Variants in RXRG observed in about 807,000 individuals in gnomAD.
The protein encoded by RXRG is retinoic acid receptor RXR-gamma.
RXRG carries 19 observed loss-of-function variants against 49.2 expected under a neutral mutation model. That is an observed-to-expected ratio of 0.39 (90% confidence interval 0.27 to 0.57). RXRG has a LOEUF of 0.57. Ranked by LOEUF, RXRG falls within the 20% of genes least tolerant of loss-of-function variation. RXRG has a pLI of 0.64. For missense variants in RXRG, 452 were observed against 592.5 expected, an observed-to-expected ratio of 0.76 and a Z score of 2.46; for synonymous variants, 224 against 216.6, an observed-to-expected ratio of 1.03 and a Z score of -0.30.
At chr1:165,401,686 A>G (rs1452817561) in intron 9 of RXRG, among the ~76,000 whole-genome samples, 2 of 152,326 alleles carry the variant, frequency 1.3e-5, no homozygotes, top group Non-Finnish European at 2.9e-5. Flanking sequence ...CCTCATTCAC[A>G]GTGGAGAAGA....
At chr1:165,428,527 C>G (rs1370858914) in intron 2 of RXRG, among the ~76,000 whole-genome samples, 192 bp downstream of exon 2, 1 of 152,210 alleles carries the variant, frequency 6.6e-6, no homozygotes, top group Non-Finnish European at 1.5e-5. Context: ...GAGGAGTTGT[C>G]AGTTCTTCAG....
At chr1:165,417,810 G>A (rs545935083) in intron 3 of RXRG, among the ~76,000 whole-genome samples, 117 of 152,100 alleles carry the variant, frequency 7.7e-4, no homozygotes, top group Non-Finnish European at 1.3e-3. Flanking sequence ...TCTGATAGAA[G>A]CTGATTTTGC....
intron 1 of RXRG, among the ~76,000 whole-genome samples, chr1:165,435,828 G>A (rs1658804879): frequency 6.6e-6 from 1 of 152,168 alleles, no homozygotes; most frequent in Admixed American, 6.5e-5. Flanking sequence ...AGTAGAGGTT[G>A]GCACACTTTT....
In RXRG at chr1:165,401,069, C is replaced by A; in HGVS notation, c.*194G>T. 1 of 565,768 alleles carries A rather than the reference C, an allele frequency of 1.8e-6. No individual in the cohort carries two copies. The allele number at this position is 565,768 out of a possible 1,614,324, so 35.0% of individuals were successfully genotyped here. ...TCTCCCAGCCCTGTAGACAGCAAAG[C>A]GTATTACCTTTAACATCTATACAAA... On this transcript the variant is annotated 3_prime_UTR_variant, in exon 10 of 10. Transcript: ENST00000359842.
chr1:165,413,864 G>A (rs1557913856), intron 4 of RXRG, among the ~76,000 whole-genome samples: 1 of 152,120 alleles, frequency 6.6e-6, no homozygotes, highest in Non-Finnish European at 1.5e-5. Flanking sequence ...GTCCACTCTA[G>A]CTTTAACATT....
chr1:165,425,526 C>T (rs1658455189), intron 2 of RXRG, among the ~76,000 whole-genome samples: 1 of 152,280 alleles, frequency 6.6e-6, no homozygotes, highest in South Asian at 2.1e-4. Flanking sequence ...CATCCCCAAA[C>T]TACAATGTAC....
intron 9 of RXRG, among the ~76,000 whole-genome samples, chr1:165,405,566 C>T (rs889324218): frequency 1.3e-5 from 2 of 152,234 alleles, no homozygotes; most frequent in African/African-American, 4.8e-5. Flanking sequence ...CTCTCTGCCC[C>T]TCCACCTCTT....
chr1:165,428,911 T>G lies in RXRG; in HGVS notation c.105A>C (p.Thr35=). The part of the protein sequence containing the change: ...TSMSPSAALS[T]GKPMDSHPSY... ...TGGGGTGGCTGTCCATTGGCTTCCC[T>G]GTGGACAAGGCTGCTGATGGGCTCA... is the stretch of plus-strand genomic sequence containing the variant. Residue 35 remains threonine (T), a synonymous_variant, in exon 2 of 10, where the codon ACA becomes ACC. Coordinates refer to ENST00000359842, the MANE Select transcript of RXRG (RefSeq NM_006917.5). 1 of 1,613,838 alleles carries G rather than the reference T, an allele frequency of 6.2e-7. No homozygotes were observed. The highest frequency in any genetic ancestry group is 1.1e-5 in the South Asian group (1 of 90,992).
intron 2 of RXRG, among the ~76,000 whole-genome samples, chr1:165,422,328 T>C (rs1295208233): frequency 6.6e-6 from 1 of 152,244 alleles, no homozygotes; most frequent in Non-Finnish European, 1.5e-5. Flanking sequence ...TTCATTTGTT[T>C]ATTCAGGAAC....
At chr1:165,411,416 C>G (rs1484280105) in intron 4 of RXRG, among the ~76,000 whole-genome samples, 1 of 152,170 alleles carries the variant, frequency 6.6e-6, no homozygotes, top group African/African-American at 2.4e-5. Context: ...CCAACCACTC[C>G]TTGCTATCCC....
chr1:165,444,811 G>A, intron 1 of RXRG, 34 bp downstream of exon 1: 4 of 1,593,062 alleles, frequency 2.5e-6, no homozygotes, highest in Non-Finnish European at 3.4e-6. Context: ...CTCTCATACA[G>A]GTCCACGCAG....
intron 9 of RXRG, among the ~76,000 whole-genome samples, chr1:165,404,095 T>C (rs1657668287): frequency 1.3e-5 from 2 of 152,218 alleles, no homozygotes; most frequent in Non-Finnish European, 2.9e-5. Context: ...ACTCTCCCAC[T>C]GAGAAATCTG....
At chr1:165,411,386 G>A (rs10489744) in intron 4 of RXRG, among the ~76,000 whole-genome samples, 83,997 of 151,924 alleles carry the variant, frequency 0.55, 25,289 homozygotes, top group Middle Eastern at 0.69. Context: ...AACTCTAATT[G>A]TATCCTCTCT....
intron 9 of RXRG, among the ~76,000 whole-genome samples, chr1:165,401,762 C>T (rs575431771): frequency 6.6e-6 from 1 of 152,238 alleles, no homozygotes; most frequent in East Asian, 1.9e-4. Context: ...TTCTCTGTGT[C>T]CCTCGGGTAC....
rs989626885 is a variant in RXRG at position 165,445,021 on chromosome 1, C to A, written c.-128G>T. ...GAGTGGTCATCGCTTCCTAGCAGCCCGGGGAGCACAGGCTGGGCCAGCCCT... is the reference window on the plus strand; with the variant it reads ...GAGTGGTCATCGCTTCCTAGCAGCCAGGGGAGCACAGGCTGGGCCAGCCCT... On this transcript the variant is annotated 5_prime_UTR_variant, in exon 1 of 10. Coordinates refer to ENST00000359842, the MANE Select transcript of RXRG (RefSeq NM_006917.5). 1.7e-5 allele frequency: 14 copies of A among 815,680 alleles called. No individual in the cohort carries two copies. The highest frequency in any genetic ancestry group is 2.5e-5 in the Non-Finnish European group (12 of 475,074). 50.5% of individuals were successfully genotyped at this position (815,680 alleles called of 1,614,324 possible).
chr1:165,433,066 T>C (rs997401166), intron 1 of RXRG, among the ~76,000 whole-genome samples: 2 of 152,068 alleles, frequency 1.3e-5, no homozygotes, highest in Non-Finnish European at 1.5e-5. Context: ...GGCCCTTTCA[T>C]CCCTTCTGCA....
At chr1:165,406,258 C>G (rs896561206) in intron 9 of RXRG, among the ~76,000 whole-genome samples, 3 of 140,122 alleles carry the variant, frequency 2.1e-5, no homozygotes, top group African/African-American at 7.9e-5. Context: ...GGAGCCCAGA[C>G]TCAGACCCAG....
intron 2 of RXRG, among the ~76,000 whole-genome samples, chr1:165,428,363 G>A (rs1658559028): frequency 6.6e-6 from 1 of 152,202 alleles, no homozygotes; most frequent in Non-Finnish European, 1.5e-5. Flanking sequence ...TTTAACAAGA[G>A]CACGTGGCAC....
intron 1 of RXRG, among the ~76,000 whole-genome samples, chr1:165,443,725 A>T (rs1232634599): frequency 6.6e-6 from 1 of 152,178 alleles, no homozygotes; most frequent in Non-Finnish European, 1.5e-5. Context: ...CCTCCTGGTG[A>T]CAGAGATCAC....
Sources: allele counts gnomAD v4.1 joint callset (sites outside exome capture counted in the v4.1 genomes callset), GRCh38; gene constraint gnomAD v4.1.1; transcripts MANE v1.5; gene names NCBI Gene and HGNC (gene_info 2026-07-23, HGNC 2026-07-21).